The following SLC24A2 variants were observed in gnomAD, a reference collection of about 807,000 sequenced individuals.
The protein encoded by SLC24A2 is solute carrier family 24 member 2.
A neutral mutation model predicts 62.0 loss-of-function variants in SLC24A2; 36 were observed. The observed-to-expected ratio is 0.58, with a 90% CI of 0.44 to 0.77. The LOEUF (loss-of-function observed/expected upper bound fraction) is 0.77, where lower values mean the gene tolerates loss of function less well. SLC24A2 is among the 30% of genes least tolerant of loss of function. SLC24A2 has a pLI of 0.00. For missense variants in SLC24A2, 846 were observed against 817.9 expected, an observed-to-expected ratio of 1.03 and a Z score of -0.42; for synonymous variants, 358 against 294.0, an observed-to-expected ratio of 1.22 and a Z score of -2.23.
chr9:19,883,991 C>G, the SLC24A2 span, among the ~76,000 whole-genome samples: 2 of 152,130 alleles, frequency 1.3e-5, no homozygotes, highest in African/African-American at 4.8e-5. Context: ...ACCCTTATCT[C>G]CTGCTAGACT....
chr9:20,048,079 C>A, the SLC24A2 span, among the ~76,000 whole-genome samples: 1 of 152,064 alleles, frequency 6.6e-6, no homozygotes, highest in African/African-American at 2.4e-5. Context: ...GGATGCAAGA[C>A]ACCAGATTGT....
At chr9:20,069,021 T>A in the SLC24A2 span, among the ~76,000 whole-genome samples, 5 of 148,318 alleles carry the variant, frequency 3.4e-5, no homozygotes, top group African/African-American at 1.2e-4. Flanking sequence ...TTCCAAACTA[T>A]ACTCATCCTC....
the SLC24A2 span, among the ~76,000 whole-genome samples, chr9:20,223,890 T>C: frequency 6.6e-6 from 1 of 152,136 alleles, no homozygotes; most frequent in Non-Finnish European, 1.5e-5. Context: ...TTTACAGTTC[T>C]GCATGGCTGA....
At chr9:20,104,863 T>C in the SLC24A2 span, among the ~76,000 whole-genome samples, 126 of 152,304 alleles carry the variant, frequency 8.3e-4, 3 homozygotes, top group South Asian at 0.011. Flanking sequence ...TAACTTTAAA[T>C]GTAAATGGAC....
At chr9:20,039,629 C>G in the SLC24A2 span, among the ~76,000 whole-genome samples, 5 of 152,018 alleles carry the variant, frequency 3.3e-5, no homozygotes, top group Non-Finnish European at 2.9e-5. Flanking sequence ...TTTCCACTCC[C>G]CAGGGGTGGC....
the SLC24A2 span, among the ~76,000 whole-genome samples, chr9:19,797,979 T>C: frequency 6.6e-6 from 1 of 152,232 alleles, no homozygotes; most frequent in African/African-American, 2.4e-5. Context: ...ACAACCTTTG[T>C]GTTTCCAAAT....
the SLC24A2 span, among the ~76,000 whole-genome samples, chr9:19,873,686 A>C: frequency 0.02 from 2,998 of 152,104 alleles, 85 homozygotes; most frequent in African/African-American, 0.068. Flanking sequence ...AGGAGGGATT[A>C]GATTCTACTA....
At chr9:19,656,305 GCTATGTGTGGTTAATT>G (rs1818940486) in intron 2 of SLC24A2, among the ~76,000 whole-genome samples, 1 of 152,198 alleles carries the variant, frequency 6.6e-6, no homozygotes, top group Non-Finnish European at 1.5e-5. Context: ...AATGTGGAGT[GCTATGTGTGGTTAATT>G]CTGTTACAGT....
At chr9:20,074,836 T>C in the SLC24A2 span, among the ~76,000 whole-genome samples, 1 of 152,150 alleles carries the variant, frequency 6.6e-6, no homozygotes, top group South Asian at 2.1e-4. Flanking sequence ...GCTTCTATTT[T>C]TCTATTATCA....
At chr9:20,116,477 C>T in the SLC24A2 span, among the ~76,000 whole-genome samples, 8 of 152,248 alleles carry the variant, frequency 5.3e-5, no homozygotes, top group East Asian at 1.9e-4. Flanking sequence ...ATCATAACAA[C>T]GGATTCAGTT....
At chr9:19,761,565 T>C (rs1315710957) in intron 2 of SLC24A2, among the ~76,000 whole-genome samples, 2 of 152,276 alleles carry the variant, frequency 1.3e-5, no homozygotes, top group African/African-American at 2.4e-5. Flanking sequence ...ATGTGCCATG[T>C]TGGTGTGCTG....
At chr9:20,270,005 T>C in the SLC24A2 span, among the ~76,000 whole-genome samples, 2 of 152,102 alleles carry the variant, frequency 1.3e-5, no homozygotes, top group East Asian at 3.9e-4. Context: ...CATCATAACA[T>C]GGTGGAGAAT....
At chr9:19,594,127 C>G (rs902990918) in intron 5 of SLC24A2, among the ~76,000 whole-genome samples, 1 of 152,006 alleles carries the variant, frequency 6.6e-6, no homozygotes, top group African/African-American at 2.4e-5. Flanking sequence ...CCTCCCACAC[C>G]TCACCCGCCC....
intron 2 of SLC24A2, among the ~76,000 whole-genome samples, chr9:19,773,621 A>G (rs114760145): frequency 1.4e-4 from 22 of 152,216 alleles, no homozygotes; most frequent in African/African-American, 5.3e-4. Context: ...CAACTTCTTG[A>G]AGCATTAAGC....
chr9:19,819,856 A>G, the SLC24A2 span, among the ~76,000 whole-genome samples: 119 of 151,916 alleles, frequency 7.8e-4, no homozygotes, highest in African/African-American at 2.7e-3. Flanking sequence ...ACTGCTGGAT[A>G]TCTACCCAGA....
At chr9:19,953,042 T>A in the SLC24A2 span, among the ~76,000 whole-genome samples, 1 of 152,044 alleles carries the variant, frequency 6.6e-6, no homozygotes, top group Non-Finnish European at 1.5e-5. Context: ...GTTGCCAATT[T>A]ATTATTCATA....
At chr9:19,874,881 C>T in the SLC24A2 span, among the ~76,000 whole-genome samples, 2 of 151,154 alleles carry the variant, frequency 1.3e-5, no homozygotes, top group Admixed American at 1.3e-4. Context: ...TTTCTGCCTA[C>T]AATGAAACCT....
upstream of SLC24A2, among the ~76,000 whole-genome samples, chr9:19,791,811 T>C (rs1361888260): frequency 2.0e-5 from 3 of 152,238 alleles, no homozygotes; most frequent in South Asian, 4.1e-4. Flanking sequence ...GATTAATCAA[T>C]GGGTCTCTTT....
intron 2 of SLC24A2, among the ~76,000 whole-genome samples, chr9:19,754,246 A>T (rs1164313556): frequency 6.6e-6 from 1 of 152,110 alleles, no homozygotes; most frequent in African/African-American, 2.4e-5. Flanking sequence ...TTGCCTCCCC[A>T]GGACTACAGT....
Sources: allele counts gnomAD v4.1 joint callset (sites outside exome capture counted in the v4.1 genomes callset), GRCh38; gene constraint gnomAD v4.1.1; transcripts MANE v1.5; gene names NCBI Gene and HGNC (gene_info 2026-07-23, HGNC 2026-07-21).